Variants in GRID1 observed in about 807,000 individuals in gnomAD.
GRID1 encodes glutamate ionotropic receptor delta type subunit 1, also known as glutamate receptor ionotropic, delta-1.
Under a neutral mutation model 98.0 loss-of-function variants are expected in GRID1, and 28 were observed. The observed-to-expected ratio is 0.29, with a 90% CI of 0.21 to 0.39. The LOEUF is 0.39. Ranked by LOEUF, GRID1 falls within the 10% of genes least tolerant of loss-of-function variation. The pLI, the probability that GRID1 is intolerant of heterozygous loss-of-function variation, is 1.00. For synonymous variants in GRID1, 553 were observed against 538.5 expected (o/e 1.03, Z -0.37); for missense variants, 1,111 against 1,340.5 (o/e 0.83, Z 2.67).
Position 86,141,598 on chromosome 10 carries a change from C to T in GRID1, c.521-2574G>A, listed in dbSNP as rs180984592. On this transcript the variant is annotated intron_variant, in intron 3 of 15. Transcript: ENST00000327946. ...TCCACGGGTGCCAATGAGGGTTTCT[C>T]CCTGGATCTAGGCTGTACATAACAC... 5.3e-5 allele frequency among the ~76,000 whole-genome samples: 8 copies of T among 152,354 alleles called. No homozygotes were observed. In the East Asian group the frequency reaches 1.5e-3, roughly 29 times the overall value.
chr10:85,787,754 C>G (rs1364315287), intron 8 of GRID1, among the ~76,000 whole-genome samples: 1 of 152,148 alleles, frequency 6.6e-6, no homozygotes, highest in South Asian at 2.1e-4. Flanking sequence ...ATGGGTGGGT[C>G]TGCTGCCAAG....
chr10:86,331,413 C>T (rs1746824916), intron 2 of GRID1, among the ~76,000 whole-genome samples: 1 of 152,214 alleles, frequency 6.6e-6, no homozygotes, highest in Non-Finnish European at 1.5e-5. Context: ...GCTCCGTGTG[C>T]AGCCAAGGGG....
At chr10:86,010,185 T>C (rs2131880509) in intron 4 of GRID1, among the ~76,000 whole-genome samples, 1 of 152,354 alleles carries the variant, frequency 6.6e-6, no homozygotes, top group South Asian at 2.1e-4. Flanking sequence ...TTTTAGTATA[T>C]ACTCCTATTT....
intron 3 of GRID1, among the ~76,000 whole-genome samples, chr10:86,178,982 C>T (rs1017351171): frequency 2.6e-5 from 4 of 152,054 alleles, no homozygotes; most frequent in Non-Finnish European, 5.9e-5. Flanking sequence ...ACTCCTGGGG[C>T]TAATAGGAGA....
At chr10:86,273,434 G>T (rs1237682705) in intron 2 of GRID1, among the ~76,000 whole-genome samples, 1 of 149,876 alleles carries the variant, frequency 6.7e-6, no homozygotes, top group Middle Eastern at 3.4e-3. Flanking sequence ...ACCCAGTAAT[G>T]GGATGGCTGG....
At chr10:86,070,737 G>A (rs1249877170) in intron 4 of GRID1, among the ~76,000 whole-genome samples, 1 of 152,214 alleles carries the variant, frequency 6.6e-6, no homozygotes, top group Admixed American at 6.5e-5. Flanking sequence ...TGTGTGTTAA[G>A]TAGTCTTTCA....
intron 2 of GRID1, among the ~76,000 whole-genome samples, chr10:86,240,421 T>A (rs1447477878): frequency 6.6e-6 from 1 of 151,954 alleles, no homozygotes; most frequent in Non-Finnish European, 1.5e-5. Flanking sequence ...AGAATGAGAG[T>A]GGAGTGCTGC....
intron 4 of GRID1, among the ~76,000 whole-genome samples, chr10:86,128,815 G>A (rs1219846033): frequency 6.6e-6 from 1 of 152,028 alleles, no homozygotes; most frequent in East Asian, 1.9e-4. Flanking sequence ...GAGACTCATC[G>A]ATCTCCCCAC....
intron 5 of GRID1, among the ~76,000 whole-genome samples, chr10:85,869,535 T>C (rs1416336187): frequency 1.3e-5 from 2 of 152,368 alleles, no homozygotes; most frequent in East Asian, 1.9e-4. Flanking sequence ...GTCACCTACC[T>C]GATTCTGACA....
At chr10:86,191,133 G>A (rs1264437191) in intron 3 of GRID1, among the ~76,000 whole-genome samples, 1 of 152,158 alleles carries the variant, frequency 6.6e-6, no homozygotes, top group African/African-American at 2.4e-5. Flanking sequence ...AGGTAAAGCA[G>A]GCTTTTCACC....
chr10:86,333,882 G>A (rs1411914621), intron 2 of GRID1, among the ~76,000 whole-genome samples: 1 of 151,996 alleles, frequency 6.6e-6, no homozygotes, highest in Non-Finnish European at 1.5e-5. Context: ...GTTGGGAGAG[G>A]AGAAAGAAAA....
At chr10:85,815,863 T>C (rs1479318302) in intron 8 of GRID1, among the ~76,000 whole-genome samples, 4 of 152,002 alleles carry the variant, frequency 2.6e-5, no homozygotes, top group Non-Finnish European at 5.9e-5. Context: ...AGAAAATTAA[T>C]ACTTCAACAA....
chr10:85,760,224 C>A (rs927100469), intron 8 of GRID1, among the ~76,000 whole-genome samples: 1 of 152,148 alleles, frequency 6.6e-6, no homozygotes, highest in African/African-American at 2.4e-5. Flanking sequence ...AAAGTGCTGA[C>A]CATCAGTTGT....
intron 3 of GRID1, among the ~76,000 whole-genome samples, chr10:86,182,238 G>A (rs541436452): frequency 2.4e-4 from 36 of 152,290 alleles, no homozygotes; most frequent in African/African-American, 8.7e-4. Flanking sequence ...AGTGGCCCTG[G>A]TGAGCAGCCA....
intron 5 of GRID1, among the ~76,000 whole-genome samples, chr10:85,900,993 T>C (rs117721013): frequency 9.9e-4 from 151 of 152,254 alleles, no homozygotes; most frequent in Non-Finnish European, 1.7e-3. Context: ...GGCAGTAATT[T>C]GAACTGTCTT....
At chr10:85,745,873 A>G (rs2949390) in intron 8 of GRID1, among the ~76,000 whole-genome samples, 102,484 of 151,956 alleles carry the variant, frequency 0.67, 34,733 homozygotes, top group East Asian at 0.81. Flanking sequence ...TTTTTCTCTC[A>G]AAAAGTAAGG....
intron 8 of GRID1, among the ~76,000 whole-genome samples, chr10:85,837,230 T>C (rs1842918761): frequency 6.6e-6 from 1 of 152,134 alleles, no homozygotes; most frequent in Non-Finnish European, 1.5e-5. Context: ...CACTAGCTTA[T>C]GGGGGCACAG....
chr10:85,853,376 G>A (rs551224872), intron 8 of GRID1, among the ~76,000 whole-genome samples: 10 of 152,308 alleles, frequency 6.6e-5, no homozygotes, highest in South Asian at 6.2e-4. Context: ...TATTACTTGC[G>A]AGGACTGTCC....
chr10:85,628,296 TGTGA>T (rs1046519848), intron 13 of GRID1, among the ~76,000 whole-genome samples: 66 of 152,028 alleles, frequency 4.3e-4, no homozygotes, highest in African/African-American at 1.4e-3. Context: ...GTGAGAATTA[TGTGA>T]GTGTGTACAT....
Sources: allele counts gnomAD v4.1 joint callset (sites outside exome capture counted in the v4.1 genomes callset), GRCh38; gene constraint gnomAD v4.1.1; transcripts MANE v1.5; gene names NCBI Gene and HGNC (gene_info 2026-07-23, HGNC 2026-07-21).